DMTN: variants seen among roughly 807,000 people sequenced by gnomAD.
DMTN encodes dematin actin binding protein.
DMTN carries 27 observed loss-of-function variants against 59.4 expected under a neutral mutation model. The ratio of observed to expected loss-of-function variants is 0.45; its 90% CI spans 0.33 to 0.63. The LOEUF is 0.63. Among genes scored for constraint, DMTN ranks in the 20% least tolerant of loss-of-function variants. DMTN has a pLI of 0.02. For synonymous variants in DMTN, 221 were observed against 203.7 expected (o/e 1.08, Z -0.72); for missense variants, 451 against 528.9 (o/e 0.85, Z 1.45).
At chr8:22,080,109 T>C in intron 10 of DMTN, 71 bp from the exon 11 acceptor site, 1 of 1,572,114 alleles carries the variant, frequency 6.4e-7, no homozygotes, top group South Asian at 1.1e-5. Context: ...GGAAGGCCAG[T>C]GAGGTTGCTG....
At chr8:22,064,745 A>G (rs1292955174) in intron 1 of DMTN, among the ~76,000 whole-genome samples, 1 of 152,188 alleles carries the variant, frequency 6.6e-6, no homozygotes, top group Non-Finnish European at 1.5e-5. Context: ...GGTGTGAGCC[A>G]CCGCGCCCGG....
upstream of DMTN, among the ~76,000 whole-genome samples, chr8:22,052,122 C>T (rs562841598): frequency 3.9e-5 from 6 of 152,350 alleles, no homozygotes; most frequent in Admixed American, 6.5e-5. Flanking sequence ...CTTGGCACTA[C>T]CCCGGGATGA....
chr8:22,049,004 G>A (rs1264852858), upstream of DMTN: 2 of 148,364 alleles, frequency 1.3e-5, no homozygotes, highest in African/African-American at 4.9e-5. Flanking sequence ...CGCGGGCTCG[G>A]GTTTCCTGGG....
intron 1 of DMTN, among the ~76,000 whole-genome samples, chr8:22,066,016 A>AT (rs1034396600): frequency 6.6e-6 from 1 of 151,304 alleles, no homozygotes; most frequent in Non-Finnish European, 1.5e-5. Context: ...AATTTTTAAA[A>AT]TTTTTTCTGT....
chr8:22,078,439 ATG>A (rs977504920), intron 10 of DMTN, among the ~76,000 whole-genome samples: 44 of 149,054 alleles, frequency 3.0e-4, no homozygotes, highest in African/African-American at 1.0e-3. Flanking sequence ...ATACATATAT[ATG>A]TATATATTAA....
chr8:22,058,601 G>T lies in DMTN; in HGVS notation c.-172+1465G>T, dbSNP rs1804047654. Among the ~76,000 whole-genome samples the T allele has an allele frequency of 6.6e-6, 1 of 152,166 alleles. No homozygotes were observed. Among genetic ancestry groups the T allele is most frequent in the South Asian group, 2.1e-4 (1 of 4,834 alleles). ...GGAGGGGGCACCTGGGCCCGGTTTT[G>T]TTGTTATTGAGAGAACAAGGGAGGG... On this transcript the variant is annotated intron_variant, in intron 1 of 15. Transcript: ENST00000358242. This position sits in a 1 kb window ranked among gnomAD's most constrained non-coding sequence, Gnocchi z 4.3.
intron 10 of DMTN, among the ~76,000 whole-genome samples, chr8:22,076,719 C>T (rs1164619765): frequency 6.6e-6 from 1 of 151,478 alleles, no homozygotes. Flanking sequence ...TTGGGTGACA[C>T]CTGGGTGTCC....
intron 9 of DMTN, 61 bp downstream of exon 9, chr8:22,072,511 C>G: frequency 2.7e-6 from 4 of 1,479,572 alleles, no homozygotes; most frequent in Middle Eastern, 1.8e-4. Context: ...GTTGCCCAGG[C>G]TGGCATGCAG....
intron 10 of DMTN, among the ~76,000 whole-genome samples, chr8:22,078,010 G>C (rs573246042): frequency 2.0e-5 from 3 of 152,108 alleles, no homozygotes; most frequent in Non-Finnish European, 4.4e-5. Context: ...AGTGTTAGGG[G>C]TAAAAATGAG....
At chr8:22,072,202 A>T (rs895439056) in intron 8 of DMTN, 124 bp from the exon 9 acceptor site, 286 of 1,283,856 alleles carry the variant, frequency 2.2e-4, no homozygotes, top group Middle Eastern at 9.0e-4. Flanking sequence ...TTTATTTTTT[A>T]AAAAAATTTT....
At chr8:22,076,514 A>C (rs1819889316) in intron 10 of DMTN, among the ~76,000 whole-genome samples, 1 of 151,798 alleles carries the variant, frequency 6.6e-6, no homozygotes, top group Non-Finnish European at 1.5e-5. Context: ...CTAAGATGGG[A>C]GCTATGATTG....
chr8:22,081,512 G>A lies in DMTN; in HGVS notation c.*49G>A. 15 of 1,559,136 alleles carry A rather than the reference G, an allele frequency of 9.6e-6. No homozygotes were observed. The highest frequency in any genetic ancestry group is 1.2e-5 in the Non-Finnish European group (14 of 1,130,874). On this transcript the variant is annotated 3_prime_UTR_variant, in exon 16 of 16. Transcript: ENST00000358242. ...GCCCCCTTACCCCTGCTGCTTCAGGGTTTTTCCCCGGCGGGTTGGGAGGGG... is the reference window on the plus strand; with the variant it reads ...GCCCCCTTACCCCTGCTGCTTCAGGATTTTTCCCCGGCGGGTTGGGAGGGG...
Position 22,067,537 on chromosome 8 carries a change from A to G in DMTN, c.104A>G (p.Asp35Gly). The G allele has an allele frequency of 6.2e-7, 1 of 1,614,142 alleles. No homozygotes were observed. ...CACCTTTCCCTTCAGGCCAAGATGG[A>G]CAATCAGGTGCTGGGCTACAAGGAC... ...GSPSSIVAKM[D>G]NQVLGYKDLA... The change falls in exon 4 of 16, where the codon GAC becomes GGC. Residue 35 changes from aspartate (D) to glycine (G), a missense_variant. Transcript: ENST00000358242.
chr8:22,069,646 G>A, intron 6 of DMTN, 128 bp downstream of exon 6: 1 of 919,094 alleles, frequency 1.1e-6, no homozygotes, highest in South Asian at 1.7e-5. Flanking sequence ...GCCCCAGGAG[G>A]CCAGGACCCC....
chr8:22,061,282 CAAAAA>C (rs533576492), intron 1 of DMTN, among the ~76,000 whole-genome samples: 1 of 66,528 alleles, frequency 1.5e-5, no homozygotes, highest in Non-Finnish European at 3.2e-5. Flanking sequence ...GACCCTGTCT[CAAAAA>C]AAAAAAAAAA....
intron 9 of DMTN, 71 bp from the exon 10 acceptor site, chr8:22,073,657 GAA>G (rs372449280): frequency 1.6e-5 from 10 of 643,352 alleles, no homozygotes; most frequent in Middle Eastern, 3.4e-4. Context: ...AAAAAAGAAA[GAA>G]AAAAAAAAAG....
Position 22,081,355 on chromosome 8 carries a change from T to C in DMTN, c.1110T>C (p.His370=). The part of the protein sequence containing the change: ...PGVDRMRLER[H]LSAEDFSRVF... ...GCCCCGATTCCCCCATGTAGAGGCA[T>C]CTGTCTGCCGAGGACTTCTCAAGGG... Residue 370 remains histidine (H), a synonymous_variant, in exon 16 of 16, where the codon CAT becomes CAC. Coordinates refer to ENST00000358242, the MANE Select transcript of DMTN (RefSeq NM_001387751.1). The C allele has an allele frequency of 6.2e-7, 1 of 1,613,940 alleles. No individual in the cohort carries two copies. The highest frequency in any genetic ancestry group is 8.5e-7 in the Non-Finnish European group (1 of 1,179,908).
chr8:22,069,582 C>T, intron 6 of DMTN, 64 bp downstream of exon 6: 1 of 1,382,728 alleles, frequency 7.2e-7, no homozygotes, highest in Non-Finnish European at 1.0e-6. Flanking sequence ...CCCCAATCCC[C>T]TTACGCTCAG....
Position 22,081,930 on chromosome 8 carries a change from C to T in DMTN, c.*467C>T, listed in dbSNP as rs1157128995. 4.4e-6 allele frequency: 2 copies of T among 456,352 alleles called. No individual in the cohort carries two copies. The highest frequency in any genetic ancestry group is 2.4e-5 in the Admixed American group (1 of 42,546). The allele number at this position is 456,352 out of a possible 1,614,324, so 28.3% of individuals were successfully genotyped here. On this transcript the variant is annotated 3_prime_UTR_variant, in exon 16 of 16. Transcript: ENST00000358242. ...AGCTTTCCTGCACTGCAGCCTCCTG[C>T]TCCTCTGACTCTAGTGGGAACAGGC...
Sources: gnomAD v4.1 joint callset for allele counts (sites outside exome capture counted in the v4.1 genomes callset) on GRCh38, gnomAD v4.1.1 for gene constraint, Gnocchi (gnomAD v3.1) non-coding constraint, MANE v1.5 for transcripts, NCBI Gene and HGNC (gene_info 2026-07-23, HGNC 2026-07-21) for gene names.